The following SLC1A2 variants were observed in gnomAD, a reference collection of about 807,000 sequenced individuals.
SLC1A2 encodes excitatory amino acid transporter 2.
SLC1A2 carries 15 observed loss-of-function variants against 48.8 expected under a neutral mutation model. The ratio of observed to expected loss-of-function variants is 0.31; its 90% CI spans 0.21 to 0.47. SLC1A2 has a LOEUF of 0.47. Ranked by LOEUF, SLC1A2 falls within the 20% of genes least tolerant of loss-of-function variation. The pLI is 0.99. For missense variants in SLC1A2, 502 were observed against 730.5 expected (o/e 0.69, Z 3.61); for synonymous variants, 279 against 272.6 (o/e 1.02, Z -0.23).
At chr11:35,392,116 C>CGT (rs1225827656) in intron 1 of SLC1A2, among the ~76,000 whole-genome samples, 3 of 151,754 alleles carry the variant, frequency 2.0e-5, no homozygotes, top group African/African-American at 7.3e-5. Flanking sequence ...TGTTTGTGCA[C>CGT]GTGTGTGTGT....
At chr11:35,320,884 A>C (rs1483152929) in intron 1 of SLC1A2, among the ~76,000 whole-genome samples, 1 of 152,236 alleles carries the variant, frequency 6.6e-6, no homozygotes, top group Non-Finnish European at 1.5e-5. Flanking sequence ...GAACAAATGC[A>C]TGGATAAATA....
At chr11:35,351,913 C>T (rs1269620234) in intron 1 of SLC1A2, among the ~76,000 whole-genome samples, 3 of 152,298 alleles carry the variant, frequency 2.0e-5, no homozygotes, top group African/African-American at 7.2e-5. Flanking sequence ...GGATTACAGG[C>T]GTGAGTCACC....
intron 9 of SLC1A2, among the ~76,000 whole-genome samples, chr11:35,277,788 C>T (rs1254238449): frequency 2.0e-5 from 3 of 151,936 alleles, no homozygotes; most frequent in Non-Finnish European, 2.9e-5. Flanking sequence ...TGGATGGACC[C>T]AATTATCACA....
At chr11:35,412,988 G>A (rs980876260) in intron 1 of SLC1A2, among the ~76,000 whole-genome samples, 2 of 152,028 alleles carry the variant, frequency 1.3e-5, no homozygotes, top group Non-Finnish European at 2.9e-5. Context: ...GGGGGGTGGG[G>A]GGAAAGGTAG....
At chr11:35,287,755 A>G (rs1850874291) in intron 7 of SLC1A2, among the ~76,000 whole-genome samples, 1 of 152,250 alleles carries the variant, frequency 6.6e-6, no homozygotes, top group Non-Finnish European at 1.5e-5. Flanking sequence ...ATTGGAGACC[A>G]ATAAACAGTA....
At chr11:35,343,310 T>A (rs1852910125) in intron 1 of SLC1A2, among the ~76,000 whole-genome samples, 1 of 152,242 alleles carries the variant, frequency 6.6e-6, no homozygotes, top group Admixed American at 6.5e-5. Flanking sequence ...AGGACCTCAT[T>A]ATACACTCAT....
chr11:35,284,899 C>G (rs1287733242), intron 8 of SLC1A2, among the ~76,000 whole-genome samples: 1 of 152,178 alleles, frequency 6.6e-6, no homozygotes, highest in South Asian at 2.1e-4. Flanking sequence ...ACATCAGACC[C>G]AAATGAACAC....
intron 1 of SLC1A2, among the ~76,000 whole-genome samples, chr11:35,327,019 C>T (rs1211981940): frequency 6.6e-6 from 1 of 152,222 alleles, no homozygotes; most frequent in South Asian, 2.1e-4. Context: ...GATGTCAAAA[C>T]ATAAATGACG....
chr11:35,351,071 G>A (rs534098495), intron 1 of SLC1A2, among the ~76,000 whole-genome samples: 57 of 152,176 alleles, frequency 3.7e-4, no homozygotes, highest in Non-Finnish European at 7.1e-4. Context: ...ATATACTAAT[G>A]ATGGCTAACA....
intron 8 of SLC1A2, among the ~76,000 whole-genome samples, chr11:35,284,545 G>T (rs924664295): frequency 3.7e-5 from 5 of 134,764 alleles, no homozygotes; most frequent in Non-Finnish European, 6.0e-5. Flanking sequence ...TTTTCATATT[G>T]TGTGTGTGTG....
At position 35,294,676 on chromosome 11, in the gene SLC1A2, C is replaced by T. The variant is rs116004439; in HGVS notation, c.858-2156G>A. On this transcript the variant is annotated intron_variant, in intron 6 of 10. Coordinates refer to ENST00000278379, the MANE Select transcript of SLC1A2 (RefSeq NM_004171.4). ...ATTCAATTTTCCTTCTCTCCTGGGA[C>T]GAGCAATTTGTAGAATGGAGAGAAA... Among the ~76,000 whole-genome samples, 583 of 152,208 alleles carry T rather than the reference C, an allele frequency of 3.8e-3. 4 individuals are homozygous for T. The highest frequency in any genetic ancestry group is 0.013 in the African/African-American group (560 of 41,504).
At position 35,252,173 on chromosome 11, in the gene SLC1A2, C is replaced by T. The variant is rs1269679934; in HGVS notation, c.*8721G>A. ...AGAACTGTGCTTTCGTAGGGTTTCA[C>T]CTGCAGATGCATTTGCAGTTAGTTA... is the stretch of plus-strand genomic sequence containing the variant. On this transcript the variant is annotated 3_prime_UTR_variant, in exon 11 of 11. Coordinates refer to ENST00000278379, the MANE Select transcript of SLC1A2 (RefSeq NM_004171.4). 6.6e-6 allele frequency: 1 copy of T among 152,580 alleles called. No individual in the cohort carries two copies. Among genetic ancestry groups the T allele is most frequent in the Non-Finnish European group, 1.5e-5 (1 of 68,024 alleles). 9.5% of individuals were successfully genotyped at this position (152,580 alleles called of 1,614,324 possible).
rs1480185847 is a variant in SLC1A2, at chr11:35,322,633, A to G, written c.18-5117T>C. 7.2e-6 allele frequency: 11 copies of G among 1,534,992 alleles called. No individual in the cohort carries two copies. In the East Asian group the frequency reaches 2.0e-4, roughly 27 times the overall value. On this transcript the variant is annotated intron_variant, in intron 1 of 10. Coordinates refer to ENST00000278379, the MANE Select transcript of SLC1A2 (RefSeq NM_004171.4). Reference sequence around the variant, plus strand: ...TTCAGGATCTGGAGAGGTACTGGGGAGATAAAGATGTCCAGAGATTGCCCT... The same window carrying G: ...TTCAGGATCTGGAGAGGTACTGGGGGGATAAAGATGTCCAGAGATTGCCCT...
chr11:35,375,400 T>C (rs1052941066), intron 1 of SLC1A2, among the ~76,000 whole-genome samples: 27 of 152,078 alleles, frequency 1.8e-4, no homozygotes, highest in African/African-American at 6.5e-4. Context: ...GAGACACAGG[T>C]GAGAGGACAA....
chr11:35,287,440 G>A (rs1388650930), intron 7 of SLC1A2, among the ~76,000 whole-genome samples: 1 of 152,150 alleles, frequency 6.6e-6, no homozygotes, highest in Non-Finnish European at 1.5e-5. Context: ...CTGGGAAATT[G>A]TCCTGAGCTG....
In SLC1A2 at chr11:35,312,406, G is replaced by A. The variant is rs754805324; in HGVS notation, c.353C>T (p.Thr118Met). ...GGACATGTAATACACCATGGCTCTC[G>A]TGCCCAAGCGGCCACTAGCCTTAGC... The part of the protein sequence containing the change: ...LDAKASGRLG[T>M]RAMVYYMSTT... The change falls in exon 4 of 11, where the codon ACG (threonine) becomes ATG (methionine). Residue 118 changes from threonine (T) to methionine (M), a missense_variant. Around this residue, in one of 4 missense-constraint regions of SLC1A2, gnomAD observed 309 missense variants for 480.3 expected, o/e 0.64. Transcript: ENST00000278379. 6.2e-6 allele frequency: 10 copies of A among 1,614,000 alleles called. No homozygotes were observed. The East Asian group carries it at 8.9e-5, about 14-fold the overall frequency.
At chr11:35,372,742 T>A (rs1003897244) in intron 1 of SLC1A2, among the ~76,000 whole-genome samples, 6 of 152,332 alleles carry the variant, frequency 3.9e-5, no homozygotes, top group South Asian at 2.1e-4. Context: ...AAAGTAAGAA[T>A]CTACAACCAA....
chr11:35,340,704 C>T (rs979175943), intron 1 of SLC1A2, among the ~76,000 whole-genome samples: 9 of 152,186 alleles, frequency 5.9e-5, no homozygotes, highest in African/African-American at 1.7e-4. Flanking sequence ...GTTCCCCCCT[C>T]CCCTTTGGCA....
At chr11:35,269,377 ATAAC>A (rs2134630514) in intron 9 of SLC1A2, among the ~76,000 whole-genome samples, 1 of 152,312 alleles carries the variant, frequency 6.6e-6, no homozygotes, top group South Asian at 2.1e-4. Flanking sequence ...TGTAGCCAAA[ATAAC>A]TATTAATATT....
Sources: allele counts gnomAD v4.1 joint callset (sites outside exome capture counted in the v4.1 genomes callset), GRCh38; gene constraint gnomAD v4.1.1; regional missense constraint gnomAD v4.1.1; transcripts MANE v1.5; gene names NCBI Gene and HGNC (gene_info 2026-07-23, HGNC 2026-07-21).